NOMO1: variants seen among roughly 807,000 people sequenced by gnomAD.
NOMO1 encodes the protein NODAL modulator 1.
NOMO1 carries 40 observed loss-of-function variants against 133.8 expected under a neutral mutation model. The ratio of observed to expected loss-of-function variants is 0.30; its 90% CI spans 0.23 to 0.39. The LOEUF is 0.39. Among genes scored for constraint, NOMO1 ranks in the 10% least tolerant of loss-of-function variants. The pLI, the probability that NOMO1 is intolerant of heterozygous loss-of-function variation, is 1.00. For missense variants in NOMO1, 462 were observed against 1,419.9 expected (o/e 0.33, Z 10.84); for synonymous variants, 236 against 570.5 (o/e 0.41, Z 8.36).
intron 6 of NOMO1, among the ~76,000 whole-genome samples, chr16:14,851,301 C>G (rs375264519): frequency 2.6e-5 from 4 of 151,938 alleles, no homozygotes; most frequent in South Asian, 4.1e-4. Flanking sequence ...GAGGGCACTT[C>G]TGGCTTGCTG....
chr16:14,846,819 C>G, intron 5 of NOMO1, 136 bp downstream of exon 5: 1 of 1,501,742 alleles, frequency 6.7e-7, no homozygotes, highest in Non-Finnish European at 9.1e-7. Context: ...AGTTCATGCC[C>G]GTCAGAGTGC....
At chr16:14,888,656 G>A (rs1384628797) in intron 28 of NOMO1, 1 of 293,518 alleles carries the variant, frequency 3.4e-6, no homozygotes, top group Non-Finnish European at 6.5e-6. Context: ...CCGTTCCAGG[G>A]ATGCTGTATT....
intron 11 of NOMO1, among the ~76,000 whole-genome samples, chr16:14,861,939 T>A (rs1010057340): frequency 6.7e-6 from 1 of 150,000 alleles, no homozygotes; most frequent in Non-Finnish European, 1.5e-5. Context: ...GGTAGTTTGC[T>A]GACCCATGCT....
rs377057271 is a variant in NOMO1, at chr16:14,857,201, G to A, written c.964-16G>A. On this transcript the variant is annotated splice_polypyrimidine_tract_variant and intron_variant, in intron 9 of 30. Transcript: ENST00000287667. ...GAGCACCTTCGAGCACCTTCTTCTTGTTCTTTGTTTTCTAGCCCGTGTTCC... is the reference window on the plus strand; with the variant it reads ...GAGCACCTTCGAGCACCTTCTTCTTATTCTTTGTTTTCTAGCCCGTGTTCC... 1.2e-6 allele frequency: 2 copies of A among 1,606,610 alleles called. No homozygotes were observed. The highest frequency in any genetic ancestry group is 2.2e-5 in the South Asian group (2 of 90,798).
rs1410351968 is a variant in NOMO1 at position 14,864,744 on chromosome 16, A to G, written c.1537+18A>G. The G allele has an allele frequency of 6.2e-7, 1 of 1,613,496 alleles. No individual in the cohort carries two copies. The highest frequency in any genetic ancestry group is 1.3e-5 in the African/African-American group (1 of 74,720). Reference sequence around the variant, plus strand: ...TTGTTTGGGTAAGATATCACTGGAAAGTAAGAACACATAGTTTCAAAGAAG... The same window carrying G: ...TTGTTTGGGTAAGATATCACTGGAAGGTAAGAACACATAGTTTCAAAGAAG... On this transcript the variant is annotated intron_variant, in intron 13 of 30. Transcript: ENST00000287667.
intron 4 of NOMO1, among the ~76,000 whole-genome samples, chr16:14,846,244 C>A (rs1260537456): frequency 1.3e-5 from 2 of 150,388 alleles, no homozygotes; most frequent in Non-Finnish European, 2.9e-5. Context: ...CCAGGCTGGT[C>A]TCAAACTCCT....
chr16:14,894,413 G>A (rs577724845), intron 29 of NOMO1, among the ~76,000 whole-genome samples: 1 of 152,052 alleles, frequency 6.6e-6, no homozygotes, highest in Non-Finnish European at 1.5e-5. Context: ...CTGCTGCAGG[G>A]GAGGCTGGAA....
At chr16:14,887,422 T>C (rs758633210) in intron 28 of NOMO1, among the ~76,000 whole-genome samples, 10 of 151,908 alleles carry the variant, frequency 6.6e-5, no homozygotes, top group South Asian at 2.1e-4. Context: ...GCCTCCGAAG[T>C]AGCTGGGACT....
At chr16:14,841,179 C>CA (rs1476918947) in intron 2 of NOMO1, among the ~76,000 whole-genome samples, 183 bp from the exon 3 acceptor site, 1 of 150,656 alleles carries the variant, frequency 6.6e-6, no homozygotes, top group Non-Finnish European at 1.5e-5. Flanking sequence ...TTCTGGTGTT[C>CA]AGCTTCAGCT....
chr16:14,887,767 TA>T (rs1964347532), intron 28 of NOMO1, among the ~76,000 whole-genome samples: 1 of 152,122 alleles, frequency 6.6e-6, no homozygotes. Flanking sequence ...TTGTAATTTT[TA>T]AAAATTCCTC....
At chr16:14,874,621 T>C (rs2856578) in intron 18 of NOMO1, among the ~76,000 whole-genome samples, 14 of 151,950 alleles carry the variant, frequency 9.2e-5, no homozygotes, top group South Asian at 2.1e-4. Context: ...CCCCTTCCCA[T>C]TGAAACGTGG....
At chr16:14,839,421 C>T (rs1316735571) in intron 2 of NOMO1, among the ~76,000 whole-genome samples, 1 of 152,038 alleles carries the variant, frequency 6.6e-6, no homozygotes, top group African/African-American at 2.4e-5. Flanking sequence ...CAGATAGCCA[C>T]GGGTACACAT....
chr16:14,836,985 G>A (rs1597089267), intron 1 of NOMO1, among the ~76,000 whole-genome samples: 1 of 151,428 alleles, frequency 6.6e-6, no homozygotes, highest in South Asian at 2.1e-4. Context: ...GATTACAGGC[G>A]TGAGCCACCG....
In NOMO1 at chr16:14,839,189, G is replaced by A. The variant is rs145622731; in HGVS notation, c.255+693G>A. 2.7e-3 allele frequency among the ~76,000 whole-genome samples: 414 copies of A among 151,788 alleles called. 24 individuals are homozygous for A. The East Asian group carries it at 0.061, about 22-fold the overall frequency. ...CCTTCCTCAGCCTCCCAAATAGCTG[G>A]GATTACAGGCACCTGCCACTACACC... is the stretch of plus-strand genomic sequence containing the variant. On this transcript the variant is annotated intron_variant, in intron 2 of 30. Transcript: ENST00000287667.
At chr16:14,864,468 C>A (rs1963962054) in intron 12 of NOMO1, 117 bp from the exon 13 acceptor site, 3 of 1,534,722 alleles carry the variant, frequency 2.0e-6, no homozygotes, top group South Asian at 2.6e-5. Context: ...TGGAAACGAA[C>A]CTTTGGCCTT....
In NOMO1 at chr16:14,883,571, A is replaced by T. The variant is rs1964276213; in HGVS notation, c.3112-801A>T. 2.0e-5 allele frequency among the ~76,000 whole-genome samples: 3 copies of T among 151,806 alleles called. No homozygotes were observed. In the South Asian group the frequency reaches 6.2e-4, roughly 32 times the overall value. On this transcript the variant is annotated intron_variant, in intron 26 of 30. Coordinates refer to ENST00000287667, the MANE Select transcript of NOMO1 (RefSeq NM_014287.4). Reference sequence around the variant, plus strand: ...GGTCTTGAACTCCTGACCTCAGGTGATCTGCTCGCTTCGGCCTCCCAAAGT... The same window carrying T: ...GGTCTTGAACTCCTGACCTCAGGTGTTCTGCTCGCTTCGGCCTCCCAAAGT...
At chr16:14,879,228 T>G (rs1964207656) in intron 23 of NOMO1, among the ~76,000 whole-genome samples, 1 of 151,746 alleles carries the variant, frequency 6.6e-6, no homozygotes, top group Non-Finnish European at 1.5e-5. Flanking sequence ...CAGCAGTTTT[T>G]CTTTCAAGAT....
intron 26 of NOMO1, among the ~76,000 whole-genome samples, chr16:14,883,164 C>A (rs1964269493): frequency 6.6e-6 from 1 of 151,846 alleles, no homozygotes; most frequent in Non-Finnish European, 1.5e-5. Flanking sequence ...GCCTGGGAAT[C>A]ATTTGAAGTA....
chr16:14,846,013 A>G (rs1597093560), intron 4 of NOMO1, among the ~76,000 whole-genome samples: 1 of 108,400 alleles, frequency 9.2e-6, no homozygotes, highest in East Asian at 2.6e-4. Context: ...TTTTATTTTT[A>G]TGTACATTTA....
Sources: gnomAD v4.1 joint callset for allele counts (sites outside exome capture counted in the v4.1 genomes callset) on GRCh38, gnomAD v4.1.1 for gene constraint, MANE v1.5 for transcripts, NCBI Gene and HGNC (gene_info 2026-07-23, HGNC 2026-07-21) for gene names.